FSHR: variants seen among roughly 807,000 people sequenced by gnomAD.
FSHR encodes follicle stimulating hormone receptor.
Under a neutral mutation model 52.1 loss-of-function variants are expected in FSHR, and 46 were observed. The observed-to-expected ratio is 0.88, with a 90% CI of 0.70 to 1.13. FSHR has a LOEUF of 1.13. FSHR is among the 50% of genes most tolerant of loss of function. FSHR has a pLI of 0.00. For synonymous variants in FSHR, 399 were observed against 309.6 expected, an observed-to-expected ratio of 1.29 and a Z score of -3.03; for missense variants, 964 against 834.6, an observed-to-expected ratio of 1.16 and a Z score of -1.91.
chr2:49,029,529 G>A (rs972379907), intron 2 of FSHR, among the ~76,000 whole-genome samples: 1 of 152,170 alleles, frequency 6.6e-6, no homozygotes, highest in Non-Finnish European at 1.5e-5. Flanking sequence ...CAAATCACTG[G>A]AGCTTTCTGA....
At chr2:49,150,872 A>G (rs1673036629) in intron 1 of FSHR, among the ~76,000 whole-genome samples, 1 of 151,948 alleles carries the variant, frequency 6.6e-6, no homozygotes. Context: ...GGCTTGCCCC[A>G]TGTTTTTCTA....
intron 4 of FSHR, among the ~76,000 whole-genome samples, chr2:49,001,920 A>T (rs1451649512): frequency 3.9e-5 from 6 of 152,014 alleles, no homozygotes; most frequent in Non-Finnish European, 8.8e-5. Flanking sequence ...AAAAATGCAT[A>T]CCTCACTGTT....
chr2:49,073,110 CT>C (rs1250647464), intron 1 of FSHR, among the ~76,000 whole-genome samples: 1 of 151,972 alleles, frequency 6.6e-6, no homozygotes, highest in Non-Finnish European at 1.5e-5. Flanking sequence ...CAATTAACAT[CT>C]TATGGATGCT....
chr2:49,069,478 A>C (rs992558961), intron 1 of FSHR, among the ~76,000 whole-genome samples: 2 of 152,114 alleles, frequency 1.3e-5, no homozygotes, highest in Admixed American at 1.3e-4. Context: ...TCTTCATAGC[A>C]ATTCTGACAT....
intron 8 of FSHR, among the ~76,000 whole-genome samples, chr2:48,978,188 G>A: frequency 6.6e-6 from 1 of 152,196 alleles, no homozygotes; most frequent in East Asian, 1.9e-4. Context: ...AGAGGCAGGA[G>A]TTAAAAAGCA....
chr2:49,106,636 G>A (rs1671233508), intron 1 of FSHR, among the ~76,000 whole-genome samples: 1 of 152,174 alleles, frequency 6.6e-6, no homozygotes. Flanking sequence ...AGGCTCATGA[G>A]CATGGAGCAA....
intron 2 of FSHR, among the ~76,000 whole-genome samples, chr2:49,043,473 T>C (rs149794830): frequency 6.6e-6 from 1 of 152,336 alleles, no homozygotes; most frequent in Non-Finnish European, 1.5e-5. Flanking sequence ...CTGGTTCCCA[T>C]GAGCCAAACC....
chr2:49,093,572 C>A (rs575794748), intron 1 of FSHR, among the ~76,000 whole-genome samples: 144 of 150,966 alleles, frequency 9.5e-4, no homozygotes, highest in Admixed American at 2.0e-3. Context: ...TTTATTCCAG[C>A]CTTTCTAAAA....
At chr2:49,127,404 G>A (rs1672043815) in intron 1 of FSHR, among the ~76,000 whole-genome samples, 1 of 151,858 alleles carries the variant, frequency 6.6e-6, no homozygotes, top group African/African-American at 2.4e-5. Flanking sequence ...ATATAAAAGA[G>A]TAGATGAGAA....
intron 4 of FSHR, among the ~76,000 whole-genome samples, chr2:48,996,231 T>G (rs949157544): frequency 5.3e-5 from 8 of 152,138 alleles, no homozygotes; most frequent in African/African-American, 1.9e-4. Context: ...AGTTGACTCC[T>G]TCCTCCTGAC....
intron 1 of FSHR, among the ~76,000 whole-genome samples, chr2:49,095,813 A>T (rs188232325): frequency 1.4e-4 from 21 of 152,312 alleles, no homozygotes; most frequent in African/African-American, 5.0e-4. Context: ...AGATTTGAAA[A>T]TATATTTCTC....
At position 49,079,732 on chromosome 2, in the gene FSHR, C is replaced by T. The variant is rs192971904; in HGVS notation, c.153-11442G>A. Reference sequence around the variant, plus strand: ...CTTTGCTTATTACCACATTAAATCTCAATTCCAATTTTACTAAAGATATAA... The same window carrying T: ...CTTTGCTTATTACCACATTAAATCTTAATTCCAATTTTACTAAAGATATAA... On this transcript the variant is annotated intron_variant, in intron 1 of 9. Coordinates refer to ENST00000406846, the MANE Select transcript of FSHR (RefSeq NM_000145.4). 3.2e-3 allele frequency among the ~76,000 whole-genome samples: 493 copies of T among 152,148 alleles called. 3 individuals carry two copies. The highest frequency in any genetic ancestry group is 0.011 in the African/African-American group (467 of 41,542).
At chr2:49,056,006 A>G (rs1323616800) in intron 2 of FSHR, among the ~76,000 whole-genome samples, 2 of 152,110 alleles carry the variant, frequency 1.3e-5, no homozygotes, top group African/African-American at 2.4e-5. Flanking sequence ...AAGGACAAAG[A>G]GAAAGGAATC....
At chr2:49,011,161 C>G (rs1270987388) in intron 4 of FSHR, among the ~76,000 whole-genome samples, 1 of 150,736 alleles carries the variant, frequency 6.6e-6, no homozygotes, top group Non-Finnish European at 1.5e-5. Context: ...CTCTTGTGGG[C>G]ATTTAGTGCT....
At chr2:49,054,195 G>T (rs1668971091) in intron 2 of FSHR, among the ~76,000 whole-genome samples, 1 of 152,094 alleles carries the variant, frequency 6.6e-6, no homozygotes, top group Non-Finnish European at 1.5e-5. Flanking sequence ...TGTGCAACTG[G>T]GGGGATGAAA....
chr2:48,985,712 T>G (rs1455856193), intron 6 of FSHR, among the ~76,000 whole-genome samples: 1 of 138,730 alleles, frequency 7.2e-6, no homozygotes, highest in Non-Finnish European at 1.5e-5. Flanking sequence ...TTTTTTTTTT[T>G]TTTTTTTTTT....
chr2:49,122,865 C>T (rs943416573), intron 1 of FSHR, among the ~76,000 whole-genome samples: 1 of 152,166 alleles, frequency 6.6e-6, no homozygotes, highest in Non-Finnish European at 1.5e-5. Flanking sequence ...GTCATGTCAC[C>T]TTTCTAAATC....
chr2:49,085,665 G>A (rs1441480735), intron 1 of FSHR, among the ~76,000 whole-genome samples: 48 of 152,150 alleles, frequency 3.2e-4, no homozygotes, highest in African/African-American at 9.6e-4. Flanking sequence ...ACATGCACAC[G>A]TATGTTTATT....
At chr2:49,014,207 G>C (rs561256595) in intron 4 of FSHR, among the ~76,000 whole-genome samples, 1 of 152,124 alleles carries the variant, frequency 6.6e-6, no homozygotes, top group Non-Finnish European at 1.5e-5. Context: ...AGAATCCCTC[G>C]ACAGTGACAT....
Sources: allele counts gnomAD v4.1 joint callset (sites outside exome capture counted in the v4.1 genomes callset), GRCh38; gene constraint gnomAD v4.1.1; transcripts MANE v1.5; gene names NCBI Gene and HGNC (gene_info 2026-07-23, HGNC 2026-07-21).